RPRD1A: variants seen among roughly 807,000 people sequenced by gnomAD.
RPRD1A encodes the protein regulation of nuclear pre-mRNA domain containing 1A, also known as regulation of nuclear pre-mRNA domain-containing protein 1A.
RPRD1A carries 9 observed loss-of-function variants against 37.8 expected under a neutral mutation model. That is an observed-to-expected ratio of 0.24 (90% CI 0.14 to 0.42). The LOEUF is 0.42. Among genes scored for constraint, RPRD1A ranks in the 10% least tolerant of loss-of-function variants. RPRD1A has a pLI of 1.00. For missense variants in RPRD1A, 255 were observed against 371.0 expected (o/e 0.69, Z 2.57); for synonymous variants, 138 against 139.7 (o/e 0.99, Z 0.08).
intron 1 of RPRD1A, among the ~76,000 whole-genome samples, chr18:36,058,303 A>G (rs1002420147): frequency 3.9e-5 from 6 of 152,160 alleles, no homozygotes; most frequent in Non-Finnish European, 8.8e-5. Context: ...TCAGCCTCCC[A>G]AAGTGCTGGC....
chr18:36,064,627 CACCAATCAGCACTCTGTCAAAACGG>C (rs1212544255), intron 1 of RPRD1A, among the ~76,000 whole-genome samples: 1 of 152,140 alleles, frequency 6.6e-6, no homozygotes, highest in African/African-American at 2.4e-5. Flanking sequence ...TCATAAAACG[CACCAATCAGCACTCTGTCAAAACGG>C]ACCAATCAGC....
intron 6 of RPRD1A, among the ~76,000 whole-genome samples, chr18:36,010,313 AT>A (rs1394631073): frequency 3.9e-5 from 6 of 152,046 alleles, no homozygotes; most frequent in South Asian, 2.1e-4. Flanking sequence ...TATAAAAAAA[AT>A]AAAAAATAAA....
Position 35,992,757 on chromosome 18 carries a change from T to C in RPRD1A, c.*394A>G, listed in dbSNP as rs1404217105. 6.5e-6 allele frequency: 1 copy of C among 154,620 alleles called. No homozygotes were observed. The highest frequency in any genetic ancestry group is 2.4e-5 in the African/African-American group (1 of 41,490). The allele number at this position is 154,620 out of a possible 1,614,324, so 9.6% of individuals were successfully genotyped here. A position where few individuals can be genotyped will look rare whatever the true frequency, so the allele number is the denominator to read the frequency against. On this transcript the variant is annotated 3_prime_UTR_variant, in exon 7 of 7. Transcript: ENST00000399022. ...AATAAAGTCTCAATCAACTCCTAAT[T>C]AGTTCTTCCCCTTCAGGAATTACAT...
intron 6 of RPRD1A, among the ~76,000 whole-genome samples, chr18:36,023,280 G>T (rs1474801722): frequency 6.6e-6 from 1 of 152,186 alleles, no homozygotes; most frequent in African/African-American, 2.4e-5. Context: ...CAGGAGTTTG[G>T]AAGAAGTTTA....
chr18:36,019,354 G>A lies in RPRD1A; in HGVS notation c.789+7546C>T, dbSNP rs183736769. ...GATCTCCTGACCTCGTCATCCACCCGCCTCAGCCTCCCAAAGTGCTGGGAT... is the reference window on the plus strand; with the variant it reads ...GATCTCCTGACCTCGTCATCCACCCACCTCAGCCTCCCAAAGTGCTGGGAT... On this transcript the variant is annotated intron_variant, in intron 6 of 6. Transcript: ENST00000399022. Among the ~76,000 whole-genome samples, 26 of 152,096 alleles carry A rather than the reference G, an allele frequency of 1.7e-4. No individual in the cohort carries two copies. In the East Asian group the frequency reaches 4.7e-3, roughly 27 times the overall value.
chr18:36,058,762 G>A (rs1913967855), intron 1 of RPRD1A, among the ~76,000 whole-genome samples: 1 of 152,138 alleles, frequency 6.6e-6, no homozygotes, highest in Non-Finnish European at 1.5e-5. Flanking sequence ...ACACTTTCAT[G>A]GGGTCAATTA....
chr18:35,994,412 C>T (rs1423626322), intron 6 of RPRD1A, among the ~76,000 whole-genome samples: 1 of 152,100 alleles, frequency 6.6e-6, no homozygotes, highest in African/African-American at 2.4e-5. Flanking sequence ...AGAGCAATGT[C>T]CTTTAAAAAC....
intron 1 of RPRD1A, among the ~76,000 whole-genome samples, chr18:36,065,103 C>A (rs115017908): frequency 0.025 from 3,826 of 152,270 alleles, 183 homozygotes; most frequent in African/African-American, 0.087. Flanking sequence ...TCTTTAAGAA[C>A]TATAACACCG....
At chr18:36,036,787 G>A (rs1172505710) in intron 1 of RPRD1A, among the ~76,000 whole-genome samples, 1 of 152,120 alleles carries the variant, frequency 6.6e-6, no homozygotes, top group Non-Finnish European at 1.5e-5. Flanking sequence ...GCCATAAATT[G>A]TTATTAAAAG....
At chr18:36,044,914 T>C (rs1171666313) in intron 1 of RPRD1A, among the ~76,000 whole-genome samples, 2 of 151,676 alleles carry the variant, frequency 1.3e-5, no homozygotes, top group Admixed American at 6.6e-5. Flanking sequence ...AATACAAACA[T>C]ATACAAATCC....
At chr18:36,005,040 G>A (rs557809594) in intron 6 of RPRD1A, among the ~76,000 whole-genome samples, 22 of 152,330 alleles carry the variant, frequency 1.4e-4, no homozygotes, top group African/African-American at 4.6e-4. Flanking sequence ...AGTGGCTCAC[G>A]CCTGTAATCC....
chr18:36,002,625 A>G (rs918954027), intron 6 of RPRD1A, among the ~76,000 whole-genome samples: 5 of 151,984 alleles, frequency 3.3e-5, no homozygotes, highest in Admixed American at 3.3e-4. Flanking sequence ...CTGTTCTTGC[A>G]TTGTACCTAC....
chr18:36,029,624 T>TAAAAA (rs79491198), intron 4 of RPRD1A, among the ~76,000 whole-genome samples: 1 of 113,080 alleles, frequency 8.8e-6, no homozygotes, highest in Non-Finnish European at 1.9e-5. Flanking sequence ...AATGCCCACT[T>TAAAAA]AAAAAAAAAA....
chr18:36,040,374 G>GA (rs1180948067), intron 1 of RPRD1A, among the ~76,000 whole-genome samples: 1 of 152,130 alleles, frequency 6.6e-6, no homozygotes, highest in African/African-American at 2.4e-5. Flanking sequence ...AAACATTAGT[G>GA]AAAAGAATAT....
chr18:36,013,366 T>C (rs1426221926), intron 6 of RPRD1A, among the ~76,000 whole-genome samples: 1 of 152,004 alleles, frequency 6.6e-6, no homozygotes, highest in Non-Finnish European at 1.5e-5. Flanking sequence ...AAACAAAAGA[T>C]GAGCAGCGTG....
intron 1 of RPRD1A, among the ~76,000 whole-genome samples, chr18:36,037,667 A>C (rs1215701990): frequency 6.6e-6 from 1 of 152,196 alleles, no homozygotes; most frequent in East Asian, 1.9e-4. Flanking sequence ...GCTCTGAAGA[A>C]AACAGAAAGA....
intron 1 of RPRD1A, among the ~76,000 whole-genome samples, chr18:36,044,947 T>A (rs552250732): frequency 3.3e-5 from 5 of 151,470 alleles, no homozygotes; most frequent in South Asian, 2.1e-4. Context: ...TGATAACTTT[T>A]AAAAAAAATA....
chr18:36,058,737 T>C (rs1201465446), intron 1 of RPRD1A, among the ~76,000 whole-genome samples: 2 of 152,224 alleles, frequency 1.3e-5, no homozygotes, highest in African/African-American at 4.8e-5. Flanking sequence ...AGTCTGTGGA[T>C]TCCAGGGGGT....
At chr18:36,052,238 C>T (rs1400431521) in intron 1 of RPRD1A, among the ~76,000 whole-genome samples, 1 of 149,890 alleles carries the variant, frequency 6.7e-6, no homozygotes, top group Admixed American at 6.6e-5. Flanking sequence ...TAAGACATTT[C>T]AAGCTAAACA....
Sources: allele counts gnomAD v4.1 joint callset (sites outside exome capture counted in the v4.1 genomes callset), GRCh38; gene constraint gnomAD v4.1.1; transcripts MANE v1.5; gene names NCBI Gene and HGNC (gene_info 2026-07-23, HGNC 2026-07-21).